The following PCDH7 variants were observed in gnomAD, a reference collection of about 807,000 sequenced individuals.
PCDH7 encodes the protein protocadherin-7.
A neutral mutation model predicts 58.9 loss-of-function variants in PCDH7; 17 were observed. That is an observed-to-expected ratio of 0.29 (90% CI 0.20 to 0.43). The LOEUF (loss-of-function observed/expected upper bound fraction) is 0.43. Among genes scored for constraint, PCDH7 ranks in the 20% least tolerant of loss-of-function variants. The pLI is 1.00. For synonymous variants in PCDH7, 664 were observed against 616.4 expected (o/e 1.08, Z -1.14); for missense variants, 1,274 against 1,441.0 (o/e 0.88, Z 1.88).
intron 3 of PCDH7, among the ~76,000 whole-genome samples, chr4:31,056,461 GAA>G (rs1757204679): frequency 2.7e-5 from 1 of 37,138 alleles, no homozygotes; most frequent in African/African-American, 1.4e-4. Context: ...AAAGAAAGAA[GAA>G]AGAAAGAAAG....
rs190110179 is a variant in PCDH7, at chr4:30,840,158, T to C, written c.71-79995T>C. On this transcript the variant is annotated intron_variant, in intron 1 of 3. Transcript: ENST00000509759. ...CATTTCTTTTCAGTTATTTTTTTTT[T>C]AATCTAATGTCCTTATCTGCCTGCT... 2.0e-5 allele frequency among the ~76,000 whole-genome samples: 3 copies of C among 151,964 alleles called. No homozygotes were observed. The East Asian group carries it at 5.8e-4, about 29-fold the overall frequency.
chr4:30,795,748 GTTTACCAAGAC>G (rs1724692938), intron 1 of PCDH7, among the ~76,000 whole-genome samples: 1 of 152,116 alleles, frequency 6.6e-6, no homozygotes, highest in Non-Finnish European at 1.5e-5. Context: ...TACACTTGCT[GTTTACCAAGAC>G]TTTGAAAAGT....
chr4:30,923,456 G>T (rs963619413), intron 2 of PCDH7, among the ~76,000 whole-genome samples: 4 of 152,124 alleles, frequency 2.6e-5, no homozygotes, highest in Non-Finnish European at 5.9e-5. Flanking sequence ...AAGGGCCTGT[G>T]TATTAATTCC....
exon 2 of PCDH7, chr4:30,920,292 C>T (rs1298790860): frequency 4.4e-6 from 6 of 1,367,406 alleles, no homozygotes; most frequent in Admixed American, 3.8e-5. Flanking sequence ...AGACTGGGTG[C>T]GCTTCCACTC....
At chr4:31,074,776 T>A (rs1758835775) in intron 3 of PCDH7, among the ~76,000 whole-genome samples, 2 of 83,478 alleles carry the variant, frequency 2.4e-5, no homozygotes, top group Admixed American at 1.4e-4. Flanking sequence ...CAGAGGGAGA[T>A]TCCGTCTCAA....
At chr4:30,769,753 A>G (rs910903817) in intron 1 of PCDH7, among the ~76,000 whole-genome samples, 12 of 152,194 alleles carry the variant, frequency 7.9e-5, no homozygotes, top group Non-Finnish European at 1.6e-4. Flanking sequence ...TGTTTATCTT[A>G]CATAATTCTT....
intron 3 of PCDH7, among the ~76,000 whole-genome samples, chr4:31,133,090 A>C (rs951219076): frequency 3.3e-5 from 5 of 152,212 alleles, no homozygotes; most frequent in Non-Finnish European, 5.9e-5. Flanking sequence ...TTTATTTACC[A>C]CATGTAATTT....
At chr4:30,923,204 G>A (rs1360165503) in intron 2 of PCDH7, among the ~76,000 whole-genome samples, 1 of 152,116 alleles carries the variant, frequency 6.6e-6, no homozygotes. Flanking sequence ...GCAGTTATCA[G>A]CAAGTGTTTG....
chr4:31,020,426 T>C (rs892517020), intron 3 of PCDH7, among the ~76,000 whole-genome samples: 2 of 152,244 alleles, frequency 1.3e-5, no homozygotes, highest in African/African-American at 4.8e-5. Flanking sequence ...TGTGTGTTTG[T>C]GTCTGATATG....
At chr4:31,026,930 T>C (rs771242366) in intron 3 of PCDH7, among the ~76,000 whole-genome samples, 2 of 152,202 alleles carry the variant, frequency 1.3e-5, no homozygotes, top group Non-Finnish European at 2.9e-5. Flanking sequence ...AGCTTATTGG[T>C]AGTATTCTCG....
At chr4:30,898,478 C>G (rs1316497878) in intron 1 of PCDH7, among the ~76,000 whole-genome samples, 1 of 152,210 alleles carries the variant, frequency 6.6e-6, no homozygotes, top group Admixed American at 6.5e-5. Flanking sequence ...ATTTTTAACT[C>G]CGCAGATCAC....
chr4:30,800,375 C>CATATAT (rs1205223604), intron 1 of PCDH7, among the ~76,000 whole-genome samples: 1 of 151,872 alleles, frequency 6.6e-6, no homozygotes, highest in Admixed American at 6.6e-5. Context: ...ATATGTTTCA[C>CATATAT]ATATATATAT....
At chr4:30,818,026 T>C (rs569116454) in intron 1 of PCDH7, among the ~76,000 whole-genome samples, 2 of 152,270 alleles carry the variant, frequency 1.3e-5, no homozygotes, top group East Asian at 1.9e-4. Context: ...GCCTCCTCCT[T>C]GTTCTTGCAA....
intron 1 of PCDH7, among the ~76,000 whole-genome samples, chr4:30,823,068 G>A (rs761575070): frequency 7.9e-5 from 12 of 152,118 alleles, no homozygotes; most frequent in Admixed American, 2.6e-4. Context: ...TTCATCTAGT[G>A]AACAGTTTGG....
At chr4:31,141,680 A>G (rs2109348521) in intron 3 of PCDH7, among the ~76,000 whole-genome samples, 1 of 152,332 alleles carries the variant, frequency 6.6e-6, no homozygotes, top group Middle Eastern at 3.4e-3. Context: ...GGACAGCACC[A>G]TTAATTAGAG....
At chr4:30,985,442 C>T (rs61792882) in intron 3 of PCDH7, among the ~76,000 whole-genome samples, 34,541 of 151,964 alleles carry the variant, frequency 0.23, 4,152 homozygotes, top group African/African-American at 0.3. Context: ...AGTTGAGATA[C>T]TTTAACATCT....
intron 1 of PCDH7, among the ~76,000 whole-genome samples, chr4:30,847,475 A>G (rs934759624): frequency 2.0e-5 from 3 of 152,190 alleles, no homozygotes; most frequent in Non-Finnish European, 2.9e-5. Context: ...ATCCACATGC[A>G]TTAATGTCTG....
chr4:30,888,156 G>A (rs1375950520), intron 1 of PCDH7, among the ~76,000 whole-genome samples: 2 of 152,224 alleles, frequency 1.3e-5, no homozygotes, highest in East Asian at 3.9e-4. Context: ...TTACAGGCGT[G>A]AGCCACTGTG....
rs371520181 is a variant in PCDH7 at position 30,727,676 on chromosome 4, G to T, written c.3175-3077G>T. Among the ~76,000 whole-genome samples the T allele has an allele frequency of 1.5e-4, 23 of 152,020 alleles. No homozygotes were observed. The East Asian group carries it at 3.9e-3, about 26-fold the overall frequency. ...TTCCTTGGTAAACCTGGTCTTGGTAGTTGTTAAACTTTTGTGAACTAGAAG... is the reference window on the plus strand; with the variant it reads ...TTCCTTGGTAAACCTGGTCTTGGTATTTGTTAAACTTTTGTGAACTAGAAG... On this transcript the variant is annotated intron_variant, in intron 1 of 1. Coordinates refer to ENST00000361762, the Ensembl canonical transcript of PCDH7.
Sources: gnomAD v4.1 joint callset for allele counts (sites outside exome capture counted in the v4.1 genomes callset) on GRCh38, gnomAD v4.1.1 for gene constraint, MANE v1.5 for transcripts, NCBI Gene and HGNC (gene_info 2026-07-23, HGNC 2026-07-21) for gene names.